The following CALM2 variants were observed in gnomAD, a reference collection of about 807,000 sequenced individuals.
The protein encoded by CALM2 is calmodulin-2.
CALM2 carries 2 observed loss-of-function variants against 19.8 expected under a neutral mutation model. That is an observed-to-expected ratio of 0.10 (90% CI 0.04 to 0.32). The LOEUF (loss-of-function observed/expected upper bound fraction) is 0.32, where lower values mean the gene tolerates loss of function less well. Ranked by LOEUF, CALM2 falls within the 10% of genes least tolerant of loss-of-function variation. The probability of loss-of-function intolerance (pLI) is 1.00; values close to 1 mark genes in which losing one functional copy is unlikely to be tolerated. For missense variants in CALM2, 38 were observed against 178.7 expected, an observed-to-expected ratio of 0.21 and a Z score of 4.49; for synonymous variants, 51 against 52.1, an observed-to-expected ratio of 0.98 and a Z score of 0.09.
At chr2:47,170,087 G>T (rs545638979) in intron 2 of CALM2, among the ~76,000 whole-genome samples, 2 of 152,142 alleles carry the variant, frequency 1.3e-5, no homozygotes, top group South Asian at 4.1e-4. Flanking sequence ...GGCATAAAGA[G>T]AACATGACAT....
Position 47,175,081 on chromosome 2 carries a change from G to GTTTTTTTTTTTTTT in CALM2, c.3+1346_3+1359dup, listed in dbSNP as rs563702873. Among the ~76,000 whole-genome samples, 88 of 77,926 alleles carry GTTTTTTTTTTTTTT rather than the reference G, an allele frequency of 1.1e-3. 7 individuals carry two copies. The highest frequency in any genetic ancestry group is 7.7e-3 in the African/African-American group (84 of 10,884). 51.1% of individuals were successfully genotyped at this position (77,926 alleles called of 152,430 possible). A position where few individuals can be genotyped will look rare whatever the true frequency, so the allele number is the denominator to read the frequency against. ...TCACAGATCACCGCCCTCATTAGGT[G>GTTTTTTTTTTTTTT]TTTTTTTTTTTTTTTTTCAGGAAAG... On this transcript the variant is annotated intron_variant, in intron 1 of 5. Transcript: ENST00000272298.
chr2:47,164,633 A>C (rs1458247976), intron 2 of CALM2, among the ~76,000 whole-genome samples: 1 of 152,152 alleles, frequency 6.6e-6, no homozygotes, highest in African/African-American at 2.4e-5. Context: ...AAAACAGACT[A>C]ACTTTGATAC....
At chr2:47,171,158 T>C (rs1032277785) in intron 1 of CALM2, 1 of 166,280 alleles carries the variant, frequency 6.0e-6, no homozygotes, top group African/African-American at 2.4e-5. Flanking sequence ...AACACATTGT[T>C]TTGAAATTAA....
rs541631852 is a variant in CALM2 at position 47,160,164 on chromosome 2, T to A, written c.*612A>T. On this transcript the variant is annotated 3_prime_UTR_variant, in exon 6 of 6. Transcript: ENST00000272298. ...AAATGACTCAGATGCAGAGCAACCATTGGGTAAATTGTAATTTTTTTATTG... is the reference window on the plus strand; with the variant it reads ...AAATGACTCAGATGCAGAGCAACCAATGGGTAAATTGTAATTTTTTTATTG... The A allele has an allele frequency of 6.6e-6, 1 of 152,538 alleles. No homozygotes were observed. Among genetic ancestry groups the A allele is most frequent in the Admixed American group, 6.6e-5 (1 of 15,264 alleles). 9.4% of individuals were successfully genotyped at this position (152,538 alleles called of 1,614,324 possible).
chr2:47,173,009 A>C (rs1461351098), intron 1 of CALM2: 1 of 152,120 alleles, frequency 6.6e-6, no homozygotes, highest in African/African-American at 2.4e-5. Flanking sequence ...AGATCACAAA[A>C]ATGAGCTTCA....
At chr2:47,162,188 A>AAAAAAAC in intron 4 of CALM2, 98 bp downstream of exon 4, 2 of 461,304 alleles carry the variant, frequency 4.3e-6, no homozygotes, top group South Asian at 7.0e-5. Context: ...AAAAAAAAAA[A>AAAAAAAC]AAAAAAAAAA....
In CALM2 at chr2:47,162,616, A is replaced by G. The variant is rs1305921749; in HGVS notation, c.81T>C (p.Thr27=). The change falls in exon 3 of 6, where the codon ACT becomes ACC. Residue 27 remains threonine (T), a synonymous_variant. Coordinates refer to ENST00000272298, the MANE Select transcript of CALM2 (RefSeq NM_001743.6). The part of the protein sequence containing the change: ...FSLFDKDGDG[T]ITTKELGTVM... ...CAGTTCCCAATTCCTTTGTTGTTAT[A>G]GTTCCATCACCATCTTTGTCAAATA... 2 of 1,611,720 alleles carry G rather than the reference A, an allele frequency of 1.2e-6. No individual in the cohort carries two copies. The highest frequency in any genetic ancestry group is 1.7e-6 in the Non-Finnish European group (2 of 1,178,812).
chr2:47,176,389 C>T, intron 1 of CALM2, 52 bp downstream of exon 1: 2 of 1,607,044 alleles, frequency 1.2e-6, no homozygotes, highest in Non-Finnish European at 1.7e-6. Context: ...TCAGTTCGCT[C>T]CAGTCTCTTC....
intron 1 of CALM2, chr2:47,172,420 G>A (rs948523845): frequency 2.3e-5 from 17 of 727,186 alleles, no homozygotes; most frequent in Non-Finnish European, 3.7e-5. Context: ...TTACCTTGCA[G>A]GGTTGTTGTG....
intron 2 of CALM2, among the ~76,000 whole-genome samples, chr2:47,168,621 T>C (rs1252280357): frequency 6.6e-6 from 1 of 151,966 alleles, no homozygotes; most frequent in African/African-American, 2.4e-5. Context: ...TAATCCCAGC[T>C]ACTCGGGAGA....
intron 2 of CALM2, chr2:47,163,436 T>C (rs1558695462): frequency 6.9e-6 from 1 of 144,246 alleles, no homozygotes; most frequent in African/African-American, 2.7e-5. Context: ...CTTCCTGCTG[T>C]TGTTTTTTTT....
intron 2 of CALM2, 79 bp from the exon 3 acceptor site, chr2:47,162,741 A>C (rs1345895690): frequency 8.3e-7 from 1 of 1,206,876 alleles, no homozygotes; most frequent in African/African-American, 1.5e-5. Flanking sequence ...TTAACTCTTA[A>C]AGCCTACTCA....
intron 2 of CALM2, chr2:47,163,438 G>GT (rs147479698): frequency 0.16 from 23,313 of 147,502 alleles, 2,263 homozygotes; most frequent in African/African-American, 0.27. Context: ...TCCTGCTGTT[G>GT]TTTTTTTTTT....
At chr2:47,162,203 A>AAAAAACAC (rs1687182716) in intron 4 of CALM2, 83 bp downstream of exon 4, 2 of 488,622 alleles carry the variant, frequency 4.1e-6, no homozygotes, top group African/African-American at 4.8e-5. Context: ...AAAAAAAACA[A>AAAAAACAC]CCAAAAAAAC....
Position 47,176,497 on chromosome 2 carries a change from C to T in CALM2, c.-54G>A, listed in dbSNP as rs202158230. 3 of 1,611,230 alleles carry T rather than the reference C, an allele frequency of 1.9e-6. No homozygotes were observed. The highest frequency in any genetic ancestry group is 1.1e-5 in the South Asian group (1 of 90,346). On this transcript the variant is annotated 5_prime_UTR_variant, in exon 1 of 6. Transcript: ENST00000272298. Reference sequence around the variant, plus strand: ...CGACCACACAACCACTCAGCTCGCTCTCTCCACTCGGACTAATTCGCCTCC... The same window carrying T: ...CGACCACACAACCACTCAGCTCGCTTTCTCCACTCGGACTAATTCGCCTCC...
intron 2 of CALM2, among the ~76,000 whole-genome samples, 180 bp downstream of exon 2, chr2:47,170,554 G>A (rs534206224): frequency 1.3e-5 from 2 of 152,188 alleles, no homozygotes; most frequent in African/African-American, 2.4e-5. Flanking sequence ...ATCTTCCATC[G>A]GCAAGTTTAC....
At chr2:47,176,376 T>C in intron 1 of CALM2, 65 bp downstream of exon 1, 2 of 1,594,344 alleles carry the variant, frequency 1.3e-6, no homozygotes, top group East Asian at 2.2e-5. Context: ...TTCCTTTGTT[T>C]AGTCAGTTCG....
At chr2:47,162,975 C>T (rs1214110041) in intron 2 of CALM2, 1 of 186,560 alleles carries the variant, frequency 5.4e-6, no homozygotes, top group Non-Finnish European at 1.1e-5. Context: ...TCATGCTGAC[C>T]TAAGTAAAAT....
At chr2:47,161,638 C>T (rs1687159338) in intron 5 of CALM2, 85 bp downstream of exon 5, 6 of 1,262,692 alleles carry the variant, frequency 4.8e-6, no homozygotes, top group East Asian at 4.9e-5. Context: ...GGGGAAGGGT[C>T]ACTAATTTCG....
Sources: gnomAD v4.1 joint callset for allele counts (sites outside exome capture counted in the v4.1 genomes callset) on GRCh38, gnomAD v4.1.1 for gene constraint, MANE v1.5 for transcripts, NCBI Gene and HGNC (gene_info 2026-07-23, HGNC 2026-07-21) for gene names.